Variants in HPS3 observed in about 807,000 individuals in gnomAD.
The protein encoded by HPS3 is BLOC-2 complex member HPS3.
HPS3 carries 79 observed loss-of-function variants against 110.9 expected under a neutral mutation model. That is an observed-to-expected ratio of 0.71 (90% CI 0.59 to 0.86). HPS3 has a LOEUF of 0.86. Ranked by LOEUF, HPS3 falls within the 40% of genes least tolerant of loss-of-function variation. The probability of loss-of-function intolerance (pLI) is 0.00; values close to 1 mark genes in which losing one functional copy is unlikely to be tolerated. For synonymous variants in HPS3, 428 were observed against 451.0 expected (o/e 0.95, Z 0.65); for missense variants, 1,197 against 1,206.2 (o/e 0.99, Z 0.11).
In HPS3 at chr3:149,153,279, A is replaced by G. The variant is rs61414068; in HGVS notation, c.1246-215A>G. Among the ~76,000 whole-genome samples the G allele has an allele frequency of 0.05, 7,553 of 152,246 alleles. 244 individuals carry two copies. Among genetic ancestry groups the G allele is most frequent in the South Asian group, 0.14 (670 of 4,816 alleles). On this transcript the variant is annotated intron_variant, in intron 6 of 16. Coordinates refer to ENST00000296051, the MANE Select transcript of HPS3 (RefSeq NM_032383.5). ...CTGAGTTTGTTGGCTGAGTAGCTCT[A>G]TGGAATACACTATTGGTTACATAGG... is the stretch of plus-strand genomic sequence containing the variant.
intron 6 of HPS3, among the ~76,000 whole-genome samples, chr3:149,151,649 T>C (rs1723131505): frequency 6.7e-6 from 1 of 148,878 alleles, no homozygotes; most frequent in African/African-American, 2.5e-5. Flanking sequence ...GTAGGCATTA[T>C]TATGTTGAGA....
At chr3:149,152,071 TG>T (rs1378014211) in intron 6 of HPS3, among the ~76,000 whole-genome samples, 1 of 152,252 alleles carries the variant, frequency 6.6e-6, no homozygotes, top group Non-Finnish European at 1.5e-5. Context: ...CCAGGCTTAC[TG>T]CCTGCTGTCA....
chr3:149,164,014 G>A (rs1310183501), intron 14 of HPS3, 65 bp downstream of exon 14: 1 of 840,138 alleles, frequency 1.2e-6, no homozygotes, highest in Non-Finnish European at 2.0e-6. Context: ...GATTAAATTT[G>A]CTGAGACCCC....
chr3:149,143,995 G>A (rs1228966913), intron 4 of HPS3, among the ~76,000 whole-genome samples: 2 of 152,170 alleles, frequency 1.3e-5, no homozygotes, highest in Middle Eastern at 3.4e-3. Flanking sequence ...TGCACATCCC[G>A]GAGTTCATAC....
rs1333599936 is a variant in HPS3 at position 149,167,192 on chromosome 3, G to A, written c.2748G>A (p.Pro916=). Residue 916 remains proline, a synonymous_variant, in exon 15 of 17, where the codon CCG becomes CCA. Coordinates refer to ENST00000296051, the MANE Select transcript of HPS3 (RefSeq NM_032383.5). ...QCIDILLERC[P]EAVIPYANHE... ...TAGACATACTGTTAGAGAGATGCCC[G>A]GAGGCAGTCATTCCATATGCTAATC... 6.2e-6 allele frequency: 10 copies of A among 1,613,696 alleles called. No individual in the cohort carries two copies. Among genetic ancestry groups the A allele is most frequent in the African/African-American group, 4.0e-5 (3 of 74,922 alleles).
At chr3:149,153,865 T>C (rs897925273) in intron 7 of HPS3, 1 of 581,112 alleles carries the variant, frequency 1.7e-6, no homozygotes. Flanking sequence ...GATTATAAAA[T>C]AGTTTCAGTA....
intron 7 of HPS3, chr3:149,153,943 C>G (rs994681739): frequency 2.7e-6 from 1 of 377,266 alleles, no homozygotes; most frequent in Non-Finnish European, 4.8e-6. Context: ...AAAGACTGAG[C>G]CTATAATGCT....
In HPS3 at chr3:149,167,193, G is replaced by GAGGC. The variant is rs762866089; in HGVS notation, c.2752_2755dup (p.Val919GlyfsTer7). The GAGGC allele has an allele frequency of 6.2e-7, 1 of 1,613,880 alleles. No homozygotes were observed. The highest frequency in any genetic ancestry group is 8.5e-7 in the Non-Finnish European group (1 of 1,179,866). Reference sequence around the variant, plus strand: ...AGACATACTGTTAGAGAGATGCCCGGAGGCAGTCATTCCATATGCTAATCA... The same window carrying GAGGC: ...AGACATACTGTTAGAGAGATGCCCGGAGGCAGGCAGTCATTCCATATGCTAATCA... On this transcript the variant is annotated frameshift_variant, in exon 15 of 17. Transcript: ENST00000296051. LOFTEE classifies it high-confidence loss of function.
chr3:149,153,452 T>C, intron 6 of HPS3, 42 bp from the exon 7 acceptor site: 1 of 1,548,512 alleles, frequency 6.5e-7, no homozygotes, highest in South Asian at 1.1e-5. Flanking sequence ...GAAGTGCATG[T>C]ACCTTTATTT....
At chr3:149,134,829 C>A (rs1394666531) in intron 1 of HPS3, among the ~76,000 whole-genome samples, 1 of 152,190 alleles carries the variant, frequency 6.6e-6, no homozygotes, top group African/African-American at 2.4e-5. Context: ...CATCACGGGT[C>A]ATGTAGCTCA....
intron 6 of HPS3, among the ~76,000 whole-genome samples, chr3:149,151,455 A>G (rs113076700): frequency 6.6e-6 from 1 of 151,930 alleles, no homozygotes; most frequent in Non-Finnish European, 1.5e-5. Context: ...TGATTTATTT[A>G]TACTATTATC....
rs763472428 is a variant in HPS3, at chr3:149,145,480, T to C, written c.1097T>C (p.Val366Ala). The stretch of plus-strand genomic sequence containing the variant: ...GTCAAATCTGTTGAATTGATGTCAG[T>C]CTACCAGTATCCTGAAAAGTCTCAG... Reference protein sequence around the residue: ...MVVKSVELMSVYQYPEKSQQA... With the variant: ...MVVKSVELMSAYQYPEKSQQA... The change falls in exon 5 of 17, where the codon GTC becomes GCC. Residue 366 changes from valine to alanine, a missense_variant. Physicochemically the swap from Val to Ala is moderately conservative, Grantham distance 64. Coordinates refer to ENST00000296051, the MANE Select transcript of HPS3 (RefSeq NM_032383.5). 1 of 1,614,134 alleles carries C rather than the reference T, an allele frequency of 6.2e-7. No individual in the cohort carries two copies. The highest frequency in any genetic ancestry group is 8.5e-7 in the Non-Finnish European group (1 of 1,179,978).
intron 5 of HPS3, among the ~76,000 whole-genome samples, chr3:149,145,961 C>T (rs1430957836): frequency 6.6e-6 from 1 of 152,018 alleles, no homozygotes; most frequent in Admixed American, 6.5e-5. Context: ...GTGAAGGGGC[C>T]AGAGAGATGA....
Position 149,150,505 on chromosome 3 carries a change from GC to G in HPS3, c.1164-91del, listed in dbSNP as rs150286093. On this transcript the variant is annotated intron_variant, in intron 5 of 16. Transcript: ENST00000296051. Reference sequence around the variant, plus strand: ...TGACAAATACTTGACTGTCACCCCTGCCCATTGCCCTGTTTGCCTGTGAAAC... The same window carrying G: ...TGACAAATACTTGACTGTCACCCCTGCCATTGCCCTGTTTGCCTGTGAAAC... 198,229 of 867,766 alleles carry G rather than the reference GC, an allele frequency of 0.23. 24,038 individuals are homozygous for G. Among genetic ancestry groups the G allele is most frequent in the South Asian group, 0.29 (21,692 of 73,930 alleles). 53.8% of individuals were successfully genotyped at this position (867,766 alleles called of 1,614,324 possible).
Position 149,162,747 on chromosome 3 carries a change from G to T in HPS3, c.2350G>T (p.Ala784Ser), listed in dbSNP as rs1291838587. 6.2e-7 allele frequency: 1 copy of T among 1,613,908 alleles called. No homozygotes were observed. Among genetic ancestry groups the T allele is most frequent in the African/African-American group, 1.3e-5 (1 of 74,894 alleles). The stretch of plus-strand genomic sequence containing the variant: ...TCAGCTCTTGGTAGACTTTTGGGAA[G>T]CTCAGCTAGTGGCATGTCTCCCAGA... ...IPQLLVDFWEAQLVACLPDVV... is the reference protein window; with the variant it reads ...IPQLLVDFWESQLVACLPDVV... The change falls in exon 13 of 17, where the codon GCT becomes TCT. Residue 784 changes from alanine to serine, a missense_variant. Physicochemically the swap from Ala to Ser is moderately conservative, Grantham distance 99. Transcript: ENST00000296051.
intron 5 of HPS3, 29 bp from the exon 6 acceptor site, chr3:149,150,570 T>C: frequency 6.2e-7 from 1 of 1,602,768 alleles, no homozygotes; most frequent in Non-Finnish European, 8.5e-7. Context: ...GGCCTCACTT[T>C]GCTCAGCAGC....
chr3:149,167,343 C>T (rs1442548476), intron 15 of HPS3, 103 bp downstream of exon 15: 2 of 869,604 alleles, frequency 2.3e-6, no homozygotes, highest in African/African-American at 1.7e-5. Flanking sequence ...GCTAATCCAA[C>T]ATCATAAGGC....
intron 16 of HPS3, among the ~76,000 whole-genome samples, chr3:149,171,535 T>C (rs1177896366): frequency 3.3e-5 from 5 of 152,114 alleles, no homozygotes; most frequent in Non-Finnish European, 7.4e-5. Flanking sequence ...AATATAGTAA[T>C]TCAGCAATGA....
rs1723262312 is a variant in HPS3 at position 149,153,548 on chromosome 3, G to C, written c.1300G>C (p.Gly434Arg). The C allele has an allele frequency of 1.9e-6, 3 of 1,613,966 alleles. No individual in the cohort carries two copies. In the East Asian group the frequency reaches 6.7e-5, roughly 36 times the overall value. The change falls in exon 7 of 17, where the codon GGC (glycine) becomes CGC (arginine). Residue 434 changes from glycine (G) to arginine (R), a missense_variant. Gly to Arg is a moderately radical substitution (Grantham distance 125). Transcript: ENST00000296051. ...TGCTTTAAGAATACAGCTTTTCATA[G>C]GCTTGAAAGCCATCTGTCACTTTAA... ...VCALRIQLFI[G>R]LKAICHFKNH... is the part of the protein sequence containing the mutation.
Sources: allele counts gnomAD v4.1 joint callset (sites outside exome capture counted in the v4.1 genomes callset), GRCh38; gene constraint gnomAD v4.1.1; transcripts MANE v1.5; gene names NCBI Gene and HGNC (gene_info 2026-07-23, HGNC 2026-07-21).